IFT52: variants seen among roughly 807,000 people sequenced by gnomAD.
IFT52 encodes the protein intraflagellar transport protein 52 homolog.
IFT52 carries 44 observed loss-of-function variants against 54.4 expected under a neutral mutation model. That is an observed-to-expected ratio of 0.81 (90% CI 0.63 to 1.04). The LOEUF is 1.04. Among genes scored for constraint, IFT52 ranks in the 50% least tolerant of loss-of-function variants. The pLI is 0.00. For missense variants in IFT52, 452 were observed against 523.6 expected, an observed-to-expected ratio of 0.86 and a Z score of 1.33; for synonymous variants, 181 against 185.3, an observed-to-expected ratio of 0.98 and a Z score of 0.19.
Position 43,620,859 on chromosome 20 carries a change from T to C in IFT52, c.702T>C (p.Asp234=). Residue 234 remains aspartate (D), a splice_region_variant and synonymous_variant, in exon 9 of 14, where the codon GAT becomes GAC. Transcript: ENST00000373030. ...ATATACTTTTTTTTTTAATTTAGGA[T>C]GTTGTTTTCCAGTGGCTCACGACAG... ...LDKEENSKIM[D]VVFQWLTTGD... 1 of 1,608,712 alleles carries C rather than the reference T, an allele frequency of 6.2e-7. No homozygotes were observed. Among genetic ancestry groups the C allele is most frequent in the Non-Finnish European group, 8.5e-7 (1 of 1,176,836 alleles).
intron 6 of IFT52, among the ~76,000 whole-genome samples, chr20:43,607,950 G>C (rs1465985449): frequency 1.3e-5 from 2 of 152,208 alleles, no homozygotes; most frequent in African/African-American, 2.4e-5. Context: ...CTGGAGACCA[G>C]CCCAGCCAAC....
rs1251397564 is a variant in IFT52 at position 43,628,819 on chromosome 20, C to G, written c.923+4774C>G. 2.0e-5 allele frequency among the ~76,000 whole-genome samples: 3 copies of G among 151,554 alleles called. No homozygotes were observed. In the East Asian group the frequency reaches 5.9e-4, roughly 30 times the overall value. ...TGAGCCGAGATCGCGCCACTGCATT[C>G]CAGCCTGGGCGACAGGCAGAGCGAG... On this transcript the variant is annotated intron_variant, in intron 10 of 13. Coordinates refer to ENST00000373030, the MANE Select transcript of IFT52 (RefSeq NM_016004.5).
In IFT52 at chr20:43,644,817, A is replaced by G. The variant is rs186357854; in HGVS notation, c.1267-2119A>G. ...TAAAAAATAAAAATAAAAATGTTTA[A>G]GGACTTGGGCCAGGCGCTGTGGCTC... On this transcript the variant is annotated intron_variant, in intron 13 of 13. Coordinates refer to ENST00000373030, the MANE Select transcript of IFT52 (RefSeq NM_016004.5). Among the ~76,000 whole-genome samples the G allele has an allele frequency of 5.9e-3, 342 of 57,508 alleles. 132 individuals carry two copies. Among genetic ancestry groups the G allele is most frequent in the African/African-American group, 0.016 (327 of 19,844 alleles). 37.7% of individuals were successfully genotyped at this position (57,508 alleles called of 152,430 possible).
chr20:43,613,020 A>C (rs575621330), intron 6 of IFT52, among the ~76,000 whole-genome samples: 1 of 152,286 alleles, frequency 6.6e-6, no homozygotes, highest in Admixed American at 6.5e-5. Flanking sequence ...CCAGGAGTAC[A>C]TTGCCCCAGG....
chr20:43,605,205 A>G, intron 6 of IFT52, 132 bp downstream of exon 6: 1 of 1,464,032 alleles, frequency 6.8e-7, no homozygotes, highest in Non-Finnish European at 9.0e-7. Context: ...AAAAAAGTAG[A>G]AGCTCTGCAC....
At chr20:43,637,795 C>T (rs1482136764) in intron 12 of IFT52, among the ~76,000 whole-genome samples, 1 of 152,184 alleles carries the variant, frequency 6.6e-6, no homozygotes, top group Non-Finnish European at 1.5e-5. Flanking sequence ...CCAAAGGTCT[C>T]AGCTTTGATC....
At chr20:43,625,899 C>T (rs1317515874) in intron 10 of IFT52, among the ~76,000 whole-genome samples, 1 of 151,020 alleles carries the variant, frequency 6.6e-6, no homozygotes, top group South Asian at 2.1e-4. Flanking sequence ...CTGAAGGGAG[C>T]GGTCACAGTA....
intron 9 of IFT52, among the ~76,000 whole-genome samples, chr20:43,621,433 A>T (rs2145636304): frequency 6.6e-6 from 1 of 152,174 alleles, no homozygotes; most frequent in South Asian, 2.1e-4. Flanking sequence ...ACCATTTTTC[A>T]TCCTAGTTTT....
intron 9 of IFT52, 57 bp downstream of exon 9, chr20:43,620,982 C>A: frequency 8.5e-7 from 1 of 1,177,454 alleles, no homozygotes; most frequent in Non-Finnish European, 1.3e-6. Context: ...CTTCTCAGTA[C>A]CACTTCTCAC....
rs749815147 is a variant in IFT52 at position 43,647,021 on chromosome 20, C to A, written c.*38C>A. ...TTGAAGCTTTTTCTGCCTCCTGATT[C>A]TCTCTTTGTAAACTATTTTCAAATT... is the stretch of plus-strand genomic sequence containing the variant. On this transcript the variant is annotated 3_prime_UTR_variant, in exon 14 of 14. Coordinates refer to ENST00000373030, the MANE Select transcript of IFT52 (RefSeq NM_016004.5). 13 of 1,564,036 alleles carry A rather than the reference C, an allele frequency of 8.3e-6. No homozygotes were observed. In the East Asian group the frequency reaches 2.9e-4, roughly 35 times the overall value.
intron 10 of IFT52, 132 bp from the exon 11 acceptor site, chr20:43,635,794 G>A: frequency 1.4e-6 from 1 of 704,696 alleles, no homozygotes; most frequent in South Asian, 1.8e-5. Flanking sequence ...TAATGGGATT[G>A]CTGGGTCCAG....
chr20:43,634,401 A>G (rs185967992), intron 10 of IFT52, among the ~76,000 whole-genome samples: 313 of 152,304 alleles, frequency 2.1e-3, no homozygotes, highest in African/African-American at 7.2e-3. Context: ...CAGAATTTCA[A>G]CCAGTCACCA....
chr20:43,620,414 T>C (rs1333831923), intron 8 of IFT52, among the ~76,000 whole-genome samples: 1 of 152,108 alleles, frequency 6.6e-6, no homozygotes, highest in African/African-American at 2.4e-5. Context: ...TCCTACTACT[T>C]TGGGAGGCCG....
rs552863954 is a variant in IFT52 at position 43,639,796 on chromosome 20, C to T, written c.1120+2543C>T. Among the ~76,000 whole-genome samples, 92 of 151,634 alleles carry T rather than the reference C, an allele frequency of 6.1e-4. 2 individuals are homozygous for T. The South Asian group carries it at 0.018, about 30-fold the overall frequency. ...GGAGGCTGCAGTGAGCTATGATACA[C>T]CTTGCACTCCAGCCTGGGTGACAAA... On this transcript the variant is annotated intron_variant, in intron 12 of 13. Coordinates refer to ENST00000373030, the MANE Select transcript of IFT52 (RefSeq NM_016004.5).
rs1175288697 is a variant in IFT52 at position 43,621,029 on chromosome 20, G to GT, written c.768+105dup. 3 of 782,668 alleles carry GT rather than the reference G, an allele frequency of 3.8e-6. No homozygotes were observed. The African/African-American group carries it at 5.2e-5, about 14-fold the overall frequency. The allele number at this position is 782,668 out of a possible 1,614,324, so 48.5% of individuals were successfully genotyped here. On this transcript the variant is annotated intron_variant, in intron 9 of 13. Coordinates refer to ENST00000373030, the MANE Select transcript of IFT52 (RefSeq NM_016004.5). ...AATACATGACTGTCTTAACTCATCT[G>GT]TAAGACAGATGGAACGAAGGAATGA...
intron 9 of IFT52, among the ~76,000 whole-genome samples, chr20:43,622,353 C>A (rs1008831111): frequency 6.6e-6 from 1 of 152,054 alleles, no homozygotes; most frequent in African/African-American, 2.4e-5. Flanking sequence ...AATCCCAGCA[C>A]TTTGGGAGGC....
chr20:43,610,485 G>A (rs1205929034), intron 6 of IFT52, among the ~76,000 whole-genome samples: 1 of 152,022 alleles, frequency 6.6e-6, no homozygotes, highest in Admixed American at 6.6e-5. Flanking sequence ...TGTAATTCCA[G>A]CACTTTGGGA....
chr20:43,591,232 C>T (rs905573713), intron 1 of IFT52, among the ~76,000 whole-genome samples, 178 bp downstream of exon 1: 23 of 152,236 alleles, frequency 1.5e-4, no homozygotes, highest in Non-Finnish European at 5.9e-5. Context: ...CGGCTGGGCG[C>T]CCATCTCCAC....
intron 6 of IFT52, 99 bp downstream of exon 6, chr20:43,605,172 C>G: frequency 6.5e-7 from 1 of 1,531,100 alleles, no homozygotes; most frequent in Non-Finnish European, 8.8e-7. Context: ...CAAAAATAAT[C>G]AGAATTTGAA....
Sources: gnomAD v4.1 joint callset for allele counts (sites outside exome capture counted in the v4.1 genomes callset) on GRCh38, gnomAD v4.1.1 for gene constraint, MANE v1.5 for transcripts, NCBI Gene and HGNC (gene_info 2026-07-23, HGNC 2026-07-21) for gene names.